Variants in ZSCAN2 observed in about 807,000 individuals in gnomAD.
ZSCAN2 encodes the protein zinc finger and SCAN domain containing 2.
In ZSCAN2, 26 loss-of-function variants were observed where a neutral mutation model predicts 47.8. That is an observed-to-expected ratio of 0.54 (90% confidence interval 0.40 to 0.75). The LOEUF (loss-of-function observed/expected upper bound fraction) is 0.75. Among genes scored for constraint, ZSCAN2 ranks in the 30% least tolerant of loss-of-function variants. The pLI is 0.00. For synonymous variants in ZSCAN2, 305 were observed against 288.7 expected (o/e 1.06, Z -0.57); for missense variants, 732 against 785.4 (o/e 0.93, Z 0.81).
rs1406050795 is a variant in ZSCAN2, at chr15:84,621,985, A to G, written c.1790A>G (p.Asn597Ser). The G allele has an allele frequency of 6.2e-7, 1 of 1,614,072 alleles. No homozygotes were observed. The highest frequency in any genetic ancestry group is 8.5e-7 in the Non-Finnish European group (1 of 1,179,948). ...CCCGAGTGTGGCAAAGGCTTCAGCA[A>G]CAGCTCTAACTTTATCACACATCAG... is the stretch of plus-strand genomic sequence containing the variant. Reference protein sequence around the residue: ...KCPECGKGFSNSSNFITHQRT... With the variant: ...KCPECGKGFSSSSNFITHQRT... The change falls in exon 3 of 3, where the codon AAC becomes AGC. Residue 597 changes from asparagine to serine, a missense_variant. Around this residue, in one of 2 missense-constraint regions of ZSCAN2, gnomAD observed 412 missense variants for 498.0 expected, o/e 0.83. Coordinates refer to ENST00000546148, the MANE Select transcript of ZSCAN2 (RefSeq NM_181877.4). The surrounding 1 kb of genome is among the most constrained non-coding windows in gnomAD (Gnocchi z 5.7).
At chr15:84,604,356 G>C in intron 2 of ZSCAN2, 23 bp downstream of exon 2, 1 of 1,578,588 alleles carries the variant, frequency 6.3e-7, no homozygotes, top group Non-Finnish European at 8.6e-7. Flanking sequence ...ACCTCATAGG[G>C]AGAGGGCGGG....
intron 2 of ZSCAN2, chr15:84,614,893 T>G (rs1895653796): frequency 6.6e-6 from 1 of 152,246 alleles, no homozygotes. Context: ...GGTTAGTTTT[T>G]GTTGGCCCAT....
At position 84,621,976 on chromosome 15, in the gene ZSCAN2, G is replaced by A. The variant is rs142916137; in HGVS notation, c.1781G>A (p.Gly594Asp). The A allele has an allele frequency of 6.2e-7, 1 of 1,614,088 alleles. No individual in the cohort carries two copies. The highest frequency in any genetic ancestry group is 8.5e-7 in the Non-Finnish European group (1 of 1,179,984). The change falls in exon 3 of 3, where the codon GGC becomes GAC. Residue 594 changes from glycine to aspartate, a missense_variant. Gly to Asp is a moderately conservative substitution (Grantham distance 94, BLOSUM62 -1). Coordinates refer to ENST00000546148, the MANE Select transcript of ZSCAN2 (RefSeq NM_181877.4). This position sits in a 1 kb window ranked among gnomAD's most constrained non-coding sequence, Gnocchi z 5.7. ...TACAAATGCCCCGAGTGTGGCAAAG[G>A]CTTCAGCAACAGCTCTAACTTTATC... The part of the protein sequence containing the change: ...KPYKCPECGK[G>D]FSNSSNFITH...
At chr15:84,614,185 C>A (rs969771585) in intron 2 of ZSCAN2, among the ~76,000 whole-genome samples, 1 of 150,920 alleles carries the variant, frequency 6.6e-6, no homozygotes, top group African/African-American at 2.4e-5. Flanking sequence ...GAGATGAGGT[C>A]TTGGCTGTGT....
Position 84,603,802 on chromosome 15 carries a change from C to A in ZSCAN2, c.-108-18C>A. 1 of 1,165,850 alleles carries A rather than the reference C, an allele frequency of 8.6e-7. No homozygotes were observed. Among genetic ancestry groups the A allele is most frequent in the Non-Finnish European group, 1.2e-6 (1 of 830,604 alleles). The allele number at this position is 1,165,850 out of a possible 1,614,324, so 72.2% of individuals were successfully genotyped here. On this transcript the variant is annotated intron_variant, in intron 1 of 2. Coordinates refer to ENST00000546148, the MANE Select transcript of ZSCAN2 (RefSeq NM_181877.4). ...GACAGTCTACCTATGGATTATGGTTCTCTTTTTTGTTTCTCAGCGGGACTA... is the reference window on the plus strand; with the variant it reads ...GACAGTCTACCTATGGATTATGGTTATCTTTTTTGTTTCTCAGCGGGACTA...
Position 84,603,947 on chromosome 15 carries a change from C to G in ZSCAN2, c.20C>G (p.Pro7Arg), listed in dbSNP as rs146866915. Residue 7 changes from proline (P) to arginine (R), a missense_variant, in exon 2 of 3, where the codon CCG (proline) becomes CGG (arginine). Pro to Arg is a moderately radical substitution (Grantham distance 103). Transcript: ENST00000546148. The stretch of plus-strand genomic sequence containing the variant: ...CTGTGGATGATGGCTGCAGACATCC[C>G]GAGAGTGACCACTCCGCTGAGCTCC... MMAADI[P>R]RVTTPLSSLV... The G allele has an allele frequency of 1.9e-6, 3 of 1,613,416 alleles. No homozygotes were observed. In the African/African-American group the frequency reaches 4.0e-5, roughly 22 times the overall value.
Position 84,615,524 on chromosome 15 carries a change from T to C in ZSCAN2, c.407-5078T>C, listed in dbSNP as rs561967919. Reference sequence around the variant, plus strand: ...TTTTGTATTTTTTGTAGAGATGGGGTGTTGCCATGTTTCCTAAGTTGTCCC... The same window carrying C: ...TTTTGTATTTTTTGTAGAGATGGGGCGTTGCCATGTTTCCTAAGTTGTCCC... On this transcript the variant is annotated intron_variant, in intron 2 of 2. Transcript: ENST00000546148. Among the ~76,000 whole-genome samples the C allele has an allele frequency of 2.0e-5, 3 of 152,194 alleles. No individual in the cohort carries two copies. In the East Asian group the frequency reaches 5.8e-4, roughly 29 times the overall value.
rs753127034 is a variant in ZSCAN2, at chr15:84,620,899, C to T, written c.704C>T (p.Ser235Phe). ...PQCGKTFSRKSHLITHERTHT... is the reference protein window; with the variant it reads ...PQCGKTFSRKFHLITHERTHT... Reference sequence around the variant, plus strand: ...TGTGGGAAGACCTTCAGCCGGAAATCCCACCTCATCACACACGAGAGGACC... The same window carrying T: ...TGTGGGAAGACCTTCAGCCGGAAATTCCACCTCATCACACACGAGAGGACC... The change falls in exon 3 of 3, where the codon TCC (serine) becomes TTC (phenylalanine). Residue 235 changes from serine to phenylalanine, a missense_variant. Transcript: ENST00000546148. The T allele has an allele frequency of 1.6e-5, 26 of 1,614,060 alleles. No homozygotes were observed. The highest frequency in any genetic ancestry group is 2.2e-5 in the Non-Finnish European group (26 of 1,180,042).
intron 2 of ZSCAN2, among the ~76,000 whole-genome samples, chr15:84,612,750 G>C (rs914149585): frequency 3.3e-5 from 5 of 151,864 alleles, no homozygotes; most frequent in Admixed American, 3.3e-4. Context: ...AAAAAAAAAA[G>C]GGGGAAATGA....
In ZSCAN2 at chr15:84,603,875, G is replaced by T; in HGVS notation, c.-53G>T. The T allele has an allele frequency of 6.4e-7, 1 of 1,561,602 alleles. No individual in the cohort carries two copies. Among genetic ancestry groups the T allele is most frequent in the South Asian group, 1.2e-5 (1 of 83,176 alleles). ...AGTGTCTTACCTGAGAGCCTGGCTG[G>T]AGAAGACTGAGGTCCAAGGCTTGAA... On this transcript the variant is annotated 5_prime_UTR_variant, in exon 2 of 3. Transcript: ENST00000546148.
intron 2 of ZSCAN2, among the ~76,000 whole-genome samples, chr15:84,605,637 G>A (rs947881623): frequency 2.0e-5 from 3 of 152,224 alleles, no homozygotes; most frequent in Admixed American, 1.3e-4. Context: ...GCCTCAGTGG[G>A]TTCTTGAACT....
intron 2 of ZSCAN2, among the ~76,000 whole-genome samples, chr15:84,612,789 A>G (rs1895590673): frequency 6.6e-6 from 1 of 152,050 alleles, no homozygotes; most frequent in African/African-American, 2.4e-5. Context: ...GGTTGGGAGG[A>G]ATAAGGTGGT....
At position 84,621,528 on chromosome 15, in the gene ZSCAN2, C is replaced by T. The variant is rs1895816477; in HGVS notation, c.1333C>T (p.Pro445Ser). 1 of 1,613,986 alleles carries T rather than the reference C, an allele frequency of 6.2e-7. No homozygotes were observed. The highest frequency in any genetic ancestry group is 8.5e-7 in the Non-Finnish European group (1 of 1,179,990). Residue 445 changes from proline to serine, a missense_variant, in exon 3 of 3, where the codon CCC (proline) becomes TCC (serine). Around this residue, in one of 2 missense-constraint regions of ZSCAN2, gnomAD observed 412 missense variants for 498.0 expected, o/e 0.83. Coordinates refer to ENST00000546148, the MANE Select transcript of ZSCAN2 (RefSeq NM_181877.4). This position sits in a 1 kb window ranked among gnomAD's most constrained non-coding sequence, Gnocchi z 5.7. ...THRRTHMVEK[P>S]YKCGVCGKSF... ...CCGGAGAACCCACATGGTGGAGAAG[C>T]CCTATAAGTGTGGGGTGTGTGGGAA...
In ZSCAN2 at chr15:84,604,348, C is replaced by T. The variant is rs1284229431; in HGVS notation, c.406+15C>T. ...TCAGGACAGTGGTGAGACGCAGAACCTCATAGGGAGAGGGCGGGAGCACCC... is the reference window on the plus strand; with the variant it reads ...TCAGGACAGTGGTGAGACGCAGAACTTCATAGGGAGAGGGCGGGAGCACCC... On this transcript the variant is annotated intron_variant, in intron 2 of 2. Transcript: ENST00000546148. 2 of 1,591,956 alleles carry T rather than the reference C, an allele frequency of 1.3e-6. No homozygotes were observed. The highest frequency in any genetic ancestry group is 1.3e-5 in the African/African-American group (1 of 74,458).
intron 2 of ZSCAN2, among the ~76,000 whole-genome samples, chr15:84,613,567 C>G (rs747952442): frequency 7.2e-5 from 11 of 152,120 alleles, no homozygotes; most frequent in Non-Finnish European, 1.6e-4. Flanking sequence ...CTCGGCCTCC[C>G]AAAGTTTTGG....
Position 84,602,795 on chromosome 15 carries a change from G to A in ZSCAN2, c.-108-1025G>A, listed in dbSNP as rs377385485. On this transcript the variant is annotated intron_variant, in intron 1 of 2. Coordinates refer to ENST00000546148, the MANE Select transcript of ZSCAN2 (RefSeq NM_181877.4). Reference sequence around the variant, plus strand: ...GTAGAGACGGGGTTTCACTATATTGGCCAGGCTGGTCTCGAACTCCTGACC... The same window carrying A: ...GTAGAGACGGGGTTTCACTATATTGACCAGGCTGGTCTCGAACTCCTGACC... Among the ~76,000 whole-genome samples the A allele has an allele frequency of 4.0e-5, 6 of 151,758 alleles. No individual in the cohort carries two copies. The East Asian group carries it at 9.7e-4, about 25-fold the overall frequency.
intron 1 of ZSCAN2, among the ~76,000 whole-genome samples, chr15:84,601,429 G>A (rs955912812): frequency 1.3e-5 from 2 of 152,152 alleles, no homozygotes; most frequent in Non-Finnish European, 1.5e-5. Context: ...TTTTACAGAT[G>A]GGGAAACTGA....
chr15:84,619,926 GGT>G (rs1491410382), intron 2 of ZSCAN2, among the ~76,000 whole-genome samples: 2,586 of 28,634 alleles, frequency 0.09, 95 homozygotes, highest in African/African-American at 0.26. Context: ...AGCCTGGGTT[GGT>G]TTTTTTTTTT....
At chr15:84,619,966 G>A (rs1446403853) in intron 2 of ZSCAN2, among the ~76,000 whole-genome samples, 1 of 150,192 alleles carries the variant, frequency 6.7e-6, no homozygotes, top group East Asian at 1.9e-4. Context: ...TTTAGGTTCA[G>A]GGGTACATGT....
Sources: gnomAD v4.1 joint callset for allele counts (sites outside exome capture counted in the v4.1 genomes callset) on GRCh38, gnomAD v4.1.1 for gene constraint, gnomAD v4.1.1 regional missense constraint, Gnocchi (gnomAD v3.1) non-coding constraint, MANE v1.5 for transcripts, NCBI Gene and HGNC (gene_info 2026-07-23, HGNC 2026-07-21) for gene names.